CDH1: variants seen among roughly 807,000 people sequenced by gnomAD.
CDH1 encodes cadherin 1.
In CDH1, 35 loss-of-function variants were observed where a neutral mutation model predicts 84.5. That is an observed-to-expected ratio of 0.41 (90% CI 0.32 to 0.55). CDH1 has a LOEUF of 0.55. Ranked by LOEUF, CDH1 falls within the 20% of genes least tolerant of loss-of-function variation. The pLI is 0.19. For missense variants in CDH1, 994 were observed against 1,126.6 expected (o/e 0.88, Z 1.68); for synonymous variants, 417 against 439.0 (o/e 0.95, Z 0.63).
rs771993728 is a variant in CDH1 at position 68,823,541 on chromosome 16, C to T, written c.2079C>T (p.Gly693=). ...VSVCDCEGAA[G]VCRKAQPVEA... is the part of the protein sequence containing the mutation. The stretch of plus-strand genomic sequence containing the variant: ...TGTGTGACTGTGAAGGGGCCGCTGG[C>T]GTCTGTAGGAAGGCACAGCCTGTCG... Residue 693 remains glycine, a synonymous_variant, in exon 13 of 16, where the codon GGC becomes GGT. Transcript: ENST00000261769. 8.7e-6 allele frequency: 14 copies of T among 1,613,968 alleles called. No homozygotes were observed. Among genetic ancestry groups the T allele is most frequent in the East Asian group, 4.5e-5 (2 of 44,884 alleles).
Position 68,817,813 on chromosome 16 carries a change from C to T in CDH1, c.1566-1467C>T, listed in dbSNP as rs369067459. Among the ~76,000 whole-genome samples the T allele has an allele frequency of 5.5e-4, 83 of 152,176 alleles. 1 individual carries two copies. The highest frequency in any genetic ancestry group is 1.7e-3 in the African/African-American group (71 of 41,522). On this transcript the variant is annotated intron_variant, in intron 10 of 15. Transcript: ENST00000261769. ...AAGACCTAAGGAAGAGCCATGCCAA[C>T]GAAAGGCCATATTGGATCCTGAATC...
At chr16:68,820,562 A>G (rs894396763) in intron 11 of CDH1, among the ~76,000 whole-genome samples, 4 of 151,914 alleles carry the variant, frequency 2.6e-5, no homozygotes, top group Non-Finnish European at 4.4e-5. Context: ...ATATTGGCCA[A>G]GCTGGTCTTG....
intron 2 of CDH1, among the ~76,000 whole-genome samples, chr16:68,769,314 T>C (rs1959476444): frequency 6.6e-6 from 1 of 152,194 alleles, no homozygotes; most frequent in African/African-American, 2.4e-5. Context: ...GATTTATGTG[T>C]ATACTTTTTT....
At chr16:68,793,102 G>C (rs1408485258) in intron 2 of CDH1, among the ~76,000 whole-genome samples, 1 of 152,204 alleles carries the variant, frequency 6.6e-6, no homozygotes, top group African/African-American at 2.4e-5. Context: ...AGAGCACATT[G>C]CATGGATGTT....
At chr16:68,828,375 T>C (rs2152141696) in intron 14 of CDH1, 71 bp downstream of exon 14, 1 of 1,538,648 alleles carries the variant, frequency 6.5e-7, no homozygotes, top group Non-Finnish European at 9.0e-7. Flanking sequence ...TAGTAAGAGG[T>C]AGGCATTTGA....
At chr16:68,786,482 C>G (rs1960047971) in intron 2 of CDH1, among the ~76,000 whole-genome samples, 1 of 138,188 alleles carries the variant, frequency 7.2e-6, no homozygotes, top group Non-Finnish European at 1.5e-5. Context: ...ACTTGGAATT[C>G]TTGAAGTGAG....
intron 2 of CDH1, among the ~76,000 whole-genome samples, chr16:68,783,879 G>T (rs1239484968): frequency 5.3e-5 from 8 of 151,956 alleles, no homozygotes; most frequent in Non-Finnish European, 1.2e-4. Flanking sequence ...GTTTCACCAT[G>T]TTGGCCAGGC....
intron 2 of CDH1, among the ~76,000 whole-genome samples, chr16:68,746,392 C>T (rs1962746256): frequency 6.6e-6 from 1 of 151,462 alleles, no homozygotes; most frequent in African/African-American, 2.4e-5. Flanking sequence ...GCCACTGCAC[C>T]CTAGCCTGGG....
intron 2 of CDH1, among the ~76,000 whole-genome samples, chr16:68,788,936 C>T (rs34410237): frequency 0.014 from 2,122 of 152,092 alleles, 22 homozygotes; most frequent in African/African-American, 0.017. Flanking sequence ...ACGCAGGAGG[C>T]GGAGGTTGCG....
intron 2 of CDH1, among the ~76,000 whole-genome samples, chr16:68,757,681 C>T (rs1963047791): frequency 6.6e-6 from 1 of 152,156 alleles, no homozygotes; most frequent in Non-Finnish European, 1.5e-5. Flanking sequence ...GGATTCCAAT[C>T]CCAACTGGAC....
rs1236811420 is a variant in CDH1 at position 68,829,787 on chromosome 16, T to G, written c.2429T>G (p.Phe810Cys). ...GCCAATCCCGATGAAATTGGAAATT[T>G]TATTGATGAAGTAAGTAATCCACGT... ...RPANPDEIGN[F>C]IDENLKAADT... The change falls in exon 15 of 16, where the codon TTT (phenylalanine) becomes TGT (cysteine). Residue 810 changes from phenylalanine to cysteine, a missense_variant. By Grantham distance (205) the Phe-to-Cys change is radical. Around this residue, in one of 3 missense-constraint regions of CDH1, gnomAD observed 769 missense variants for 881.8 expected, o/e 0.87. Coordinates refer to ENST00000261769, the MANE Select transcript of CDH1 (RefSeq NM_004360.5). The G allele has an allele frequency of 1.2e-6, 2 of 1,613,978 alleles. No individual in the cohort carries two copies.
intron 2 of CDH1, among the ~76,000 whole-genome samples, chr16:68,750,708 GTTTT>G (rs760443205): frequency 7.3e-6 from 1 of 136,980 alleles, no homozygotes; most frequent in Non-Finnish European, 1.6e-5. Context: ...TTTCTCCTTG[GTTTT>G]TTTTTTTTTT....
Position 68,828,178 on chromosome 16 carries a change from G to T in CDH1, c.2169G>T (p.Leu723=), listed in dbSNP as rs2152141376. 1 of 1,613,802 alleles carries T rather than the reference G, an allele frequency of 6.2e-7. No individual in the cohort carries two copies. The highest frequency in any genetic ancestry group is 8.5e-7 in the Non-Finnish European group (1 of 1,179,850). The change falls in exon 14 of 16, where the codon CTG becomes CTT. Residue 723 remains leucine (L), a synonymous_variant. Coordinates refer to ENST00000261769, the MANE Select transcript of CDH1 (RefSeq NM_004360.5). ...ILGGILALLI[L]ILLLLLFLRR... ...CTGTCTCCCCCACCATCCCAGTTCTGATTCTGCTGCTCTTGCTGTTTCTTC... is the reference window on the plus strand; with the variant it reads ...CTGTCTCCCCCACCATCCCAGTTCTTATTCTGCTGCTCTTGCTGTTTCTTC...
At position 68,813,514 on chromosome 16, in the gene CDH1, A is replaced by G; in HGVS notation, c.1320+19A>G. 6.2e-7 allele frequency: 1 copy of G among 1,612,794 alleles called. No homozygotes were observed. The highest frequency in any genetic ancestry group is 8.5e-7 in the Non-Finnish European group (1 of 1,178,734). ...AGCAAAGGTTTGTATGGTACCTGGC[A>G]AGATGCAGAAACTGGCATCCTCACA... is the stretch of plus-strand genomic sequence containing the variant. On this transcript the variant is annotated intron_variant, in intron 9 of 15. Coordinates refer to ENST00000261769, the MANE Select transcript of CDH1 (RefSeq NM_004360.5).
At chr16:68,767,531 G>C (rs1180923445) in intron 2 of CDH1, among the ~76,000 whole-genome samples, 1 of 152,176 alleles carries the variant, frequency 6.6e-6, no homozygotes, top group Non-Finnish European at 1.5e-5. Flanking sequence ...AGAAAGTTGG[G>C]ATTCCCCAGA....
At chr16:68,825,479 T>G (rs1359951630) in intron 13 of CDH1, among the ~76,000 whole-genome samples, 1 of 152,204 alleles carries the variant, frequency 6.6e-6, no homozygotes, top group Non-Finnish European at 1.5e-5. Flanking sequence ...CTGCTGCTGC[T>G]GCCTCAGTGG....
In CDH1 at chr16:68,810,176, AC is replaced by A. The variant is rs1960778485; in HGVS notation, c.688-18del. 14 of 1,613,678 alleles carry A rather than the reference AC, an allele frequency of 8.7e-6. No homozygotes were observed. Among genetic ancestry groups the A allele is most frequent in the Admixed American group, 1.7e-5 (1 of 59,980 alleles). On this transcript the variant is annotated intron_variant, in intron 5 of 15. Transcript: ENST00000261769. ...TTTCTTCCTCATCAGAGCTCAAGTC[AC>A]CCTCACTTGGTTCTTTCAGCTCTTC...
intron 2 of CDH1, among the ~76,000 whole-genome samples, chr16:68,763,826 C>T (rs1203812314): frequency 6.6e-6 from 1 of 152,208 alleles, no homozygotes; most frequent in African/African-American, 2.4e-5. Flanking sequence ...GTGCAGACTG[C>T]ACCCCTAGAG....
At chr16:68,830,445 T>C (rs1961456232) in intron 15 of CDH1, among the ~76,000 whole-genome samples, 1 of 152,098 alleles carries the variant, frequency 6.6e-6, no homozygotes, top group South Asian at 2.1e-4. Context: ...CCACTGCTGG[T>C]TGGGATATAA....
Sources: gnomAD v4.1 joint callset for allele counts (sites outside exome capture counted in the v4.1 genomes callset) on GRCh38, gnomAD v4.1.1 for gene constraint, gnomAD v4.1.1 regional missense constraint, MANE v1.5 for transcripts, NCBI Gene and HGNC (gene_info 2026-07-23, HGNC 2026-07-21) for gene names.